Variants in CMIP observed in about 807,000 individuals in gnomAD.
CMIP encodes the protein c-Maf inducing protein.
CMIP carries 13 observed loss-of-function variants against 97.3 expected under a neutral mutation model. The ratio of observed to expected loss-of-function variants is 0.13; its 90% CI spans 0.09 to 0.21. CMIP has a LOEUF of 0.21. CMIP is among the 10% of genes least tolerant of loss of function. CMIP has a pLI of 1.00. For missense variants in CMIP, 847 were observed against 1,024.9 expected (o/e 0.83, Z 2.37); for synonymous variants, 538 against 436.3 (o/e 1.23, Z -2.91).
In CMIP at chr16:81,592,829, C is replaced by G. The variant is rs192018799; in HGVS notation, c.301-14738C>G. On this transcript the variant is annotated intron_variant, in intron 1 of 20. Coordinates refer to ENST00000537098, the MANE Select transcript of CMIP (RefSeq NM_198390.3). ...CCCTGGAGGCTGCTTTGGTGAGGAC[C>G]TGGCATGTGGCATGTGCCCAGTCCA... is the stretch of plus-strand genomic sequence containing the variant. Among the ~76,000 whole-genome samples the G allele has an allele frequency of 2.7e-3, 406 of 152,324 alleles. 3 individuals carry two copies. The highest frequency in any genetic ancestry group is 9.2e-3 in the African/African-American group (384 of 41,570).
intron 3 of CMIP, among the ~76,000 whole-genome samples, chr16:81,639,311 G>A (rs1356640115): frequency 6.6e-6 from 1 of 152,238 alleles, no homozygotes; most frequent in East Asian, 1.9e-4. Context: ...ACCAGGTTTA[G>A]GTGGCAGTTC....
At chr16:81,525,472 A>G (rs1384571250) in intron 1 of CMIP, among the ~76,000 whole-genome samples, 1 of 151,702 alleles carries the variant, frequency 6.6e-6, no homozygotes, top group Admixed American at 6.6e-5. Flanking sequence ...TTTTTTTTTT[A>G]TTATGGTCAA....
intron 2 of CMIP, 151 bp from the exon 3 acceptor site, chr16:81,620,725 C>T (rs1400568954): frequency 2.3e-6 from 2 of 878,320 alleles, no homozygotes; most frequent in East Asian, 2.7e-5. Context: ...ACAACAGGCT[C>T]AGCTTAGCAT....
Position 81,616,868 on chromosome 16 carries a change from C to T in CMIP, c.427-4008C>T, listed in dbSNP as rs952858919. On this transcript the variant is annotated intron_variant, in intron 2 of 20. Coordinates refer to ENST00000537098, the MANE Select transcript of CMIP (RefSeq NM_198390.3). The surrounding 1 kb of genome is among the most constrained non-coding windows in gnomAD (Gnocchi z 4.7). ...ATCAAGTGCTGCTGTGAGAGGCAGG[C>T]TACGAGGACCCAGCTAAGACTGGAG... Among the ~76,000 whole-genome samples the T allele has an allele frequency of 5.9e-5, 9 of 152,220 alleles. No individual in the cohort carries two copies. Among genetic ancestry groups the T allele is most frequent in the African/African-American group, 1.7e-4 (7 of 41,464 alleles).
intron 1 of CMIP, among the ~76,000 whole-genome samples, chr16:81,482,181 G>A (rs1212988425): frequency 6.6e-6 from 1 of 152,032 alleles, no homozygotes; most frequent in Non-Finnish European, 1.5e-5. Context: ...GCCTGTCCCT[G>A]CCGCCTCTTA....
At chr16:81,575,566 C>T (rs1257225307) in intron 1 of CMIP, among the ~76,000 whole-genome samples, 3 of 152,174 alleles carry the variant, frequency 2.0e-5, no homozygotes, top group Non-Finnish European at 4.4e-5. Context: ...AACACAAGGG[C>T]CCTGGAGGCT....
intron 11 of CMIP, among the ~76,000 whole-genome samples, chr16:81,692,363 G>A (rs1311023876): frequency 2.6e-5 from 4 of 152,098 alleles, no homozygotes; most frequent in South Asian, 2.1e-4. Flanking sequence ...CTCTCTTGCC[G>A]GCCCCTAGCA....
At chr16:81,675,685 A>AG (rs1904297410) in intron 9 of CMIP, among the ~76,000 whole-genome samples, 1 of 152,202 alleles carries the variant, frequency 6.6e-6, no homozygotes, top group African/African-American at 2.4e-5. Flanking sequence ...AGGTCCCTGC[A>AG]GGGGAAGAGC....
intron 9 of CMIP, among the ~76,000 whole-genome samples, chr16:81,673,368 A>G (rs1036607688): frequency 1.3e-5 from 2 of 152,074 alleles, no homozygotes; most frequent in African/African-American, 4.8e-5. Context: ...AAATATAAAA[A>G]TTAGCCGGGC....
chr16:81,569,729 C>A (rs2091049611), intron 1 of CMIP, among the ~76,000 whole-genome samples: 1 of 152,200 alleles, frequency 6.6e-6, no homozygotes, highest in African/African-American at 2.4e-5. Flanking sequence ...CTTCTGGGAG[C>A]TGGAAAGAGC....
chr16:81,671,216 C>G (rs528633584), intron 8 of CMIP, among the ~76,000 whole-genome samples: 2 of 152,306 alleles, frequency 1.3e-5, no homozygotes, highest in East Asian at 3.9e-4. Context: ...TTGGAACTCA[C>G]GAAGTCGTTT....
chr16:81,678,826 G>A (rs937033566), intron 10 of CMIP, among the ~76,000 whole-genome samples, 198 bp downstream of exon 10: 1 of 152,264 alleles, frequency 6.6e-6, no homozygotes, highest in African/African-American at 2.4e-5. Context: ...GGCATACAGG[G>A]TGCATATGTA....
chr16:81,685,998 C>A (rs1905344267), intron 10 of CMIP, among the ~76,000 whole-genome samples: 1 of 152,176 alleles, frequency 6.6e-6, no homozygotes, highest in Admixed American at 6.5e-5. Flanking sequence ...TCCCAGCTCT[C>A]ACCAGCTGTG....
At chr16:81,675,519 A>G (rs1904294088) in intron 9 of CMIP, among the ~76,000 whole-genome samples, 1 of 152,028 alleles carries the variant, frequency 6.6e-6, no homozygotes, top group African/African-American at 2.4e-5. Context: ...ATGCCCGTGT[A>G]CAATGTTTTT....
At chr16:81,646,377 C>G (rs1398870991) in intron 3 of CMIP, among the ~76,000 whole-genome samples, 1 of 152,140 alleles carries the variant, frequency 6.6e-6, no homozygotes, top group African/African-American at 2.4e-5. Context: ...TAGATTTGAT[C>G]TGGAGTCTGC....
chr16:81,517,492 G>GA (rs1219969221), intron 1 of CMIP, among the ~76,000 whole-genome samples: 1 of 152,212 alleles, frequency 6.6e-6, no homozygotes, highest in Admixed American at 6.5e-5. Flanking sequence ...TGATTGCATA[G>GA]AAAAATGAGA....
At position 81,667,795 on chromosome 16, in the gene CMIP, AGAGAGTGTGTGT is replaced by A. The variant is rs1333295693; in HGVS notation, c.826-2345_826-2334del. Reference sequence around the variant, plus strand: ...GAGAGAGAGAGAGAGAGAGAGAGAGAGAGAGTGTGTGTGTGTGTGTGTGTGTGTGTGTGTGTG... The same window carrying A: ...GAGAGAGAGAGAGAGAGAGAGAGAGAGTGTGTGTGTGTGTGTGTGTGTGTG... On this transcript the variant is annotated intron_variant, in intron 7 of 20. Coordinates refer to ENST00000537098, the MANE Select transcript of CMIP (RefSeq NM_198390.3). 6.4e-3 allele frequency among the ~76,000 whole-genome samples: 436 copies of A among 67,996 alleles called. 2 individuals carry two copies. The highest frequency in any genetic ancestry group is 0.032 in the Middle Eastern group (5 of 156). The allele number at this position is 67,996 out of a possible 152,430, so 44.6% of individuals were successfully genotyped here. A position where few individuals can be genotyped will look rare whatever the true frequency, so the allele number is the denominator to read the frequency against.
intron 3 of CMIP, chr16:81,651,477 G>C (rs1324611422): frequency 1.6e-6 from 1 of 638,974 alleles, no homozygotes; most frequent in East Asian, 1.4e-4. Context: ...GGGCAGCGCT[G>C]GATTTCCCGG....
At chr16:81,584,942 A>T (rs989367222) in intron 1 of CMIP, among the ~76,000 whole-genome samples, 1 of 152,250 alleles carries the variant, frequency 6.6e-6, no homozygotes, top group African/African-American at 2.4e-5. Flanking sequence ...TGAAATGGCC[A>T]TTTTAATATC....
Sources: gnomAD v4.1 joint callset for allele counts (sites outside exome capture counted in the v4.1 genomes callset) on GRCh38, gnomAD v4.1.1 for gene constraint, Gnocchi (gnomAD v3.1) non-coding constraint, MANE v1.5 for transcripts, NCBI Gene and HGNC (gene_info 2026-07-23, HGNC 2026-07-21) for gene names.